AGAP1: variants seen among roughly 807,000 people sequenced by gnomAD.
AGAP1 encodes the protein ArfGAP with GTPase domain, ankyrin repeat and PH domain 1, also known as arf-GAP with GTPase, ANK repeat and PH domain-containing protein 1.
In AGAP1, 29 loss-of-function variants were observed where a neutral mutation model predicts 105.3. The ratio of observed to expected loss-of-function variants is 0.28; its 90% CI spans 0.21 to 0.38. The LOEUF (loss-of-function observed/expected upper bound fraction) is 0.38, where lower values mean the gene tolerates loss of function less well. Ranked by LOEUF, AGAP1 falls within the 10% of genes least tolerant of loss-of-function variation. The pLI, the probability that AGAP1 is intolerant of heterozygous loss-of-function variation, is 1.00. For missense variants in AGAP1, 998 were observed against 1,165.1 expected (o/e 0.86, Z 2.09); for synonymous variants, 509 against 485.9 (o/e 1.05, Z -0.63).
In AGAP1 at chr2:236,051,964, G is replaced by T. The variant is rs2057913211; in HGVS notation, c.2114+2683G>T. On this transcript the variant is annotated intron_variant, in intron 16 of 17. Transcript: ENST00000304032. The surrounding 1 kb of genome is among the most constrained non-coding windows in gnomAD (Gnocchi z 5.9). ...AGAAAATGGAAAAGTGAAAGTCGGG[G>T]CTGGAATCTCCGCAAGCCGGTCTGT... Among the ~76,000 whole-genome samples, 1 of 152,072 alleles carries T rather than the reference G, an allele frequency of 6.6e-6. No homozygotes were observed. Among genetic ancestry groups the T allele is most frequent in the African/African-American group, 2.4e-5 (1 of 41,402 alleles).
At chr2:235,815,582 T>C (rs1958406126) in intron 9 of AGAP1, among the ~76,000 whole-genome samples, 1 of 152,194 alleles carries the variant, frequency 6.6e-6, no homozygotes, top group African/African-American at 2.4e-5. Flanking sequence ...CCGAGAGCCA[T>C]CTGCCATGTT....
intron 6 of AGAP1, chr2:235,773,726 A>C (rs1955637497): frequency 5.6e-6 from 2 of 356,230 alleles, no homozygotes; most frequent in Non-Finnish European, 1.1e-5. Context: ...CTGGTGAGTC[A>C]TGTCCTCTCC....
rs568893217 is a variant in AGAP1 at position 236,014,629 on chromosome 2, G to A, written c.1646-21932G>A. 2.0e-5 allele frequency among the ~76,000 whole-genome samples: 3 copies of A among 152,276 alleles called. No homozygotes were observed. The highest frequency in any genetic ancestry group is 2.9e-5 in the Non-Finnish European group (2 of 68,026). ...CCTGAGTTCCTCTGTTCACCGCAGGGGAGTTGGAGGGCTCAGCCCAGGGAG... is the reference window on the plus strand; with the variant it reads ...CCTGAGTTCCTCTGTTCACCGCAGGAGAGTTGGAGGGCTCAGCCCAGGGAG... On this transcript the variant is annotated intron_variant, in intron 13 of 17. Transcript: ENST00000304032. The surrounding 1 kb of genome is among the most constrained non-coding windows in gnomAD (Gnocchi z 6.3).
intron 14 of AGAP1, among the ~76,000 whole-genome samples, chr2:236,039,981 C>T (rs371201575): frequency 2.0e-5 from 3 of 152,088 alleles, no homozygotes; most frequent in Non-Finnish European, 4.4e-5. Context: ...TGTGGTGGCT[C>T]ACACCTGTAA....
chr2:235,551,023 C>T lies in AGAP1; in HGVS notation c.163+56174C>T, dbSNP rs1034159493. ...TCCTGGCCTCAAGTGATCCACCCAC[C>T]TCGGCCTCTGAAAGTGCTGGGATTA... On this transcript the variant is annotated intron_variant, in intron 1 of 17. Transcript: ENST00000304032. This position sits in a 1 kb window ranked among gnomAD's most constrained non-coding sequence, Gnocchi z 4.8. 4.7e-4 allele frequency among the ~76,000 whole-genome samples: 71 copies of T among 152,308 alleles called. 1 individual carries two copies. Among genetic ancestry groups the T allele is most frequent in the African/African-American group, 1.7e-3 (70 of 41,574 alleles).
rs1955977498 is a variant in AGAP1 at position 235,777,591 on chromosome 2, C to T, written c.674-20168C>T. On this transcript the variant is annotated intron_variant, in intron 6 of 17. Coordinates refer to ENST00000304032, the MANE Select transcript of AGAP1 (RefSeq NM_001037131.3). The surrounding 1 kb of genome is among the most constrained non-coding windows in gnomAD (Gnocchi z 5.1). ...GCCATAGAGGACGAGTCACAGCTGTCTCACCTGCACCCCTCCAATCGCCTT... is the reference window on the plus strand; with the variant it reads ...GCCATAGAGGACGAGTCACAGCTGTTTCACCTGCACCCCTCCAATCGCCTT... Among the ~76,000 whole-genome samples the T allele has an allele frequency of 6.6e-6, 1 of 152,226 alleles. No individual in the cohort carries two copies. Among genetic ancestry groups the T allele is most frequent in the African/African-American group, 2.4e-5 (1 of 41,450 alleles).
chr2:235,676,497 T>C (rs1184794574), intron 1 of AGAP1, among the ~76,000 whole-genome samples: 1 of 152,216 alleles, frequency 6.6e-6, no homozygotes, highest in African/African-American at 2.4e-5. Context: ...GCAAATGAGC[T>C]GGATCTTGTA....
rs1318035453 is a variant in AGAP1, at chr2:235,589,206, T to TTG, written c.163+94358_163+94359insGT. Among the ~76,000 whole-genome samples the TTG allele has an allele frequency of 3.2e-3, 341 of 107,688 alleles. 2 individuals carry two copies. Among genetic ancestry groups the TTG allele is most frequent in the Non-Finnish European group, 4.5e-3 (270 of 60,296 alleles). The allele number at this position is 107,688 out of a possible 152,430, so 70.6% of individuals were successfully genotyped here. On this transcript the variant is annotated intron_variant, in intron 1 of 17. Coordinates refer to ENST00000304032, the MANE Select transcript of AGAP1 (RefSeq NM_001037131.3). ...AGCTTATTGTTTTGTTTTTTTTTTTTTTTTTTTTTTTTTTTTGAGACGGAG... is the reference window on the plus strand; with the variant it reads ...AGCTTATTGTTTTGTTTTTTTTTTTTTGTTTTTTTTTTTTTTTTGAGACGGAG...
chr2:235,589,277 C>G (rs1012468008), intron 1 of AGAP1, among the ~76,000 whole-genome samples: 2 of 126,364 alleles, frequency 1.6e-5, no homozygotes, highest in Non-Finnish European at 3.2e-5. Flanking sequence ...GCGGTCTTGG[C>G]TCACTGCAAT....
In AGAP1 at chr2:236,009,877, T is replaced by C. The variant is rs944271889; in HGVS notation, c.1646-26684T>C. 6.6e-6 allele frequency among the ~76,000 whole-genome samples: 1 copy of C among 152,192 alleles called. No individual in the cohort carries two copies. The highest frequency in any genetic ancestry group is 6.5e-5 in the Admixed American group (1 of 15,286). On this transcript the variant is annotated intron_variant, in intron 13 of 17. Coordinates refer to ENST00000304032, the MANE Select transcript of AGAP1 (RefSeq NM_001037131.3). This position sits in a 1 kb window ranked among gnomAD's most constrained non-coding sequence, Gnocchi z 4.2. ...TAATCAGCTATCTGAGGAATATTTATCTGATCAACAAAGAGTGTTGTCAGG... is the reference window on the plus strand; with the variant it reads ...TAATCAGCTATCTGAGGAATATTTACCTGATCAACAAAGAGTGTTGTCAGG...
At chr2:235,597,756 C>A (rs1313368325) in intron 1 of AGAP1, among the ~76,000 whole-genome samples, 1 of 143,088 alleles carries the variant, frequency 7.0e-6, no homozygotes, top group Admixed American at 7.0e-5. Context: ...TCCCGTGTTT[C>A]CTTTGTGTGG....
Position 235,737,006 on chromosome 2 carries a change from A to G in AGAP1, c.311-3957A>G, listed in dbSNP as rs1479646380. Among the ~76,000 whole-genome samples, 1 of 152,200 alleles carries G rather than the reference A, an allele frequency of 6.6e-6. No individual in the cohort carries two copies. Among genetic ancestry groups the G allele is most frequent in the African/African-American group, 2.4e-5 (1 of 41,464 alleles). On this transcript the variant is annotated intron_variant, in intron 3 of 17. Transcript: ENST00000304032. The surrounding 1 kb of genome is among the most constrained non-coding windows in gnomAD (Gnocchi z 4.5). ...ATCCTAAGGCTCTCCTTCTGTGGTT[A>G]AAGTGGTTCAAGTGTAGAAAATGAA...
At chr2:235,516,631 A>G (rs1013996072) in intron 1 of AGAP1, among the ~76,000 whole-genome samples, 1 of 152,150 alleles carries the variant, frequency 6.6e-6, no homozygotes, top group African/African-American at 2.4e-5. Context: ...GGGACCCGGC[A>G]GGAATGTGTT....
chr2:235,513,955 G>A (rs1408538942), intron 1 of AGAP1, among the ~76,000 whole-genome samples: 1 of 152,172 alleles, frequency 6.6e-6, no homozygotes, highest in Non-Finnish European at 1.5e-5. Context: ...CAAATAAAGG[G>A]CGATTTTGTA....
chr2:235,772,999 A>G (rs998119542), intron 6 of AGAP1, among the ~76,000 whole-genome samples: 5 of 152,150 alleles, frequency 3.3e-5, no homozygotes, highest in African/African-American at 1.2e-4. Context: ...TCAACTTACT[A>G]TTGTTCCTGG....
intron 16 of AGAP1, among the ~76,000 whole-genome samples, chr2:236,059,165 A>G (rs2058122335): frequency 6.6e-6 from 1 of 152,192 alleles, no homozygotes; most frequent in Admixed American, 6.5e-5. Context: ...TATCTTTAAA[A>G]AAAAAAAAAA....
At chr2:235,938,398 CGT>C (rs2053093629) in intron 12 of AGAP1, among the ~76,000 whole-genome samples, 1 of 152,238 alleles carries the variant, frequency 6.6e-6, no homozygotes, top group Non-Finnish European at 1.5e-5. Flanking sequence ...GGGTGCGCAG[CGT>C]GTCCCCCTGC....
intron 5 of AGAP1, among the ~76,000 whole-genome samples, chr2:235,748,720 C>G (rs1377710838): frequency 6.6e-6 from 1 of 152,096 alleles, no homozygotes; most frequent in Admixed American, 6.6e-5. Context: ...AAATATACTT[C>G]AAAAAATGAA....
rs1055064054 is a variant in AGAP1 at position 235,993,696 on chromosome 2, C to T, written c.1645+25073C>T. Among the ~76,000 whole-genome samples the T allele has an allele frequency of 1.1e-4, 16 of 152,132 alleles. No individual in the cohort carries two copies. Among genetic ancestry groups the T allele is most frequent in the African/African-American group, 3.1e-4 (13 of 41,426 alleles). ...ATACCAAATTAAGGGCTCTGAGGAA[C>T]GCTTCCTTTGAAAATACCCTAGTTT... On this transcript the variant is annotated intron_variant, in intron 13 of 17. Coordinates refer to ENST00000304032, the MANE Select transcript of AGAP1 (RefSeq NM_001037131.3). This position sits in a 1 kb window ranked among gnomAD's most constrained non-coding sequence, Gnocchi z 5.0.
Sources: gnomAD v4.1 joint callset for allele counts (sites outside exome capture counted in the v4.1 genomes callset) on GRCh38, gnomAD v4.1.1 for gene constraint, Gnocchi (gnomAD v3.1) non-coding constraint, MANE v1.5 for transcripts, NCBI Gene and HGNC (gene_info 2026-07-23, HGNC 2026-07-21) for gene names.